PCDHGB2: variants seen among roughly 807,000 people sequenced by gnomAD.
PCDHGB2 encodes the protein protocadherin gamma-B2.
A neutral mutation model predicts 59.3 loss-of-function variants in PCDHGB2; 55 were observed. That is an observed-to-expected ratio of 0.93 (90% CI 0.75 to 1.16). PCDHGB2 has a LOEUF of 1.16. Among genes scored for constraint, PCDHGB2 ranks in the 50% most tolerant of loss-of-function variants. PCDHGB2 has a pLI of 0.00. For missense variants in PCDHGB2, 1,228 were observed against 1,198.5 expected (o/e 1.02, Z -0.36); for synonymous variants, 516 against 512.0 (o/e 1.01, Z -0.11).
chr5:141,372,541 G>T, intron 1 of PCDHGB2: 16 of 1,613,980 alleles, frequency 9.9e-6, no homozygotes, highest in Non-Finnish European at 1.3e-5. Flanking sequence ...CTGCGCCTGC[G>T]ATGCTCCTCC....
rs772841329 is a variant in PCDHGB2 at position 141,360,603 on chromosome 5, A to C, written c.468A>C (p.Pro156=). ...TKPGTTFPLD[P]ALDSDVGPNS... ...CAGGTACAACATTTCCACTTGACCC[A>C]GCCCTGGATTCAGATGTTGGTCCTA... Residue 156 remains proline (P), a synonymous_variant, in exon 1 of 4, where the codon CCA becomes CCC. Coordinates refer to ENST00000522605, the MANE Select transcript of PCDHGB2 (RefSeq NM_018923.3). The C allele has an allele frequency of 5.6e-6, 9 of 1,614,056 alleles. No homozygotes were observed. The East Asian group carries it at 2.0e-4, about 36-fold the overall frequency.
At chr5:141,428,606 A>G (rs1270096118) in intron 1 of PCDHGB2, 4 of 216,044 alleles carry the variant, frequency 1.9e-5, no homozygotes, top group Admixed American at 1.6e-4. Context: ...TTCACTGAAG[A>G]GAATAACAAG....
At position 141,511,238 on chromosome 5, in the gene PCDHGB2, G is replaced by A; in HGVS notation, c.*65G>A. ...CAACCAGCCCAGCTTCTCCTTACCT[G>A]CACCCAGGCCTCAGAGTTTCAGGGC... On this transcript the variant is annotated 3_prime_UTR_variant, in exon 4 of 4. Coordinates refer to ENST00000522605, the MANE Select transcript of PCDHGB2 (RefSeq NM_018923.3). 6.3e-7 allele frequency: 1 copy of A among 1,589,142 alleles called. No homozygotes were observed. The highest frequency in any genetic ancestry group is 2.3e-5 in the East Asian group (1 of 43,302).
chr5:141,399,620 CCTCTT>C (rs1251716471), intron 1 of PCDHGB2: 1 of 1,613,940 alleles, frequency 6.2e-7, no homozygotes, highest in Non-Finnish European at 8.5e-7. Context: ...CTGGCACTGG[CCTCTT>C]ACGTGTCCAT....
Position 141,489,465 on chromosome 5 carries a change from T to C in PCDHGB2, c.2422-5342T>C. On this transcript the variant is annotated intron_variant, in intron 1 of 3. Transcript: ENST00000522605. The surrounding 1 kb of genome is among the most constrained non-coding windows in gnomAD (Gnocchi z 4.5). The stretch of plus-strand genomic sequence containing the variant: ...GCTCTGAGGAGAATGGGCGCTATTT[T>C]TCCCTGAGCTTGATGAGTGGTGCCC... The C allele has an allele frequency of 1.2e-6, 2 of 1,614,082 alleles. No homozygotes were observed. The highest frequency in any genetic ancestry group is 1.3e-5 in the African/African-American group (1 of 75,042).
At chr5:141,400,551 T>G in intron 1 of PCDHGB2, 1 of 1,613,726 alleles carries the variant, frequency 6.2e-7, no homozygotes, top group Non-Finnish European at 8.5e-7. Context: ...TCTATTCTTT[T>G]TCATTACCCA....
chr5:141,415,434 C>T, intron 1 of PCDHGB2: 2 of 1,614,192 alleles, frequency 1.2e-6, no homozygotes, highest in Non-Finnish European at 1.7e-6. Context: ...TTCGGGCTTT[C>T]CTGCAGACCT....
At chr5:141,409,840 G>A (rs1361942011) in intron 1 of PCDHGB2, 3 of 1,611,558 alleles carry the variant, frequency 1.9e-6, no homozygotes, top group African/African-American at 1.3e-5. Flanking sequence ...GCGCCAACGT[G>A]AGCCTGCGCG....
At chr5:141,457,175 A>C (rs1447297536) in intron 1 of PCDHGB2, among the ~76,000 whole-genome samples, 2 of 152,192 alleles carry the variant, frequency 1.3e-5, no homozygotes, top group Non-Finnish European at 2.9e-5. Flanking sequence ...ACCCTATTGC[A>C]AATAGTAGAG....
At chr5:141,427,492 T>C (rs894605769) in intron 1 of PCDHGB2, 1 of 555,624 alleles carries the variant, frequency 1.8e-6, no homozygotes, top group Non-Finnish European at 3.4e-6. Context: ...TATAAGCTTG[T>C]AACAGATGGG....
intron 1 of PCDHGB2, chr5:141,383,465 C>T: frequency 6.2e-7 from 1 of 1,613,792 alleles, no homozygotes; most frequent in Non-Finnish European, 8.5e-7. Flanking sequence ...GACGATGAAA[C>T]TAAGTACCCG....
At chr5:141,441,742 T>C in intron 1 of PCDHGB2, 1 of 367,312 alleles carries the variant, frequency 2.7e-6, no homozygotes, top group Non-Finnish European at 5.4e-6. Context: ...TAGCTCGCGC[T>C]CGGCGTCAAC....
chr5:141,427,628 G>A (rs1308356581), intron 1 of PCDHGB2: 2 of 700,966 alleles, frequency 2.9e-6, no homozygotes, highest in Admixed American at 2.0e-5. Flanking sequence ...ACAATGCTCC[G>A]GTTTTCCACC....
intron 1 of PCDHGB2, chr5:141,478,024 C>T: frequency 2.5e-6 from 4 of 1,614,188 alleles, no homozygotes; most frequent in Non-Finnish European, 3.4e-6. Context: ...CAGTCCAAGA[C>T]ACAGATTCAC....
Position 141,431,344 on chromosome 5 carries a change from G to T in PCDHGB2, c.2422-63463G>T. On this transcript the variant is annotated intron_variant, in intron 1 of 3. Coordinates refer to ENST00000522605, the MANE Select transcript of PCDHGB2 (RefSeq NM_018923.3). This position sits in a 1 kb window ranked among gnomAD's most constrained non-coding sequence, Gnocchi z 4.8. ...ACGGTAGTAAGTACCCCGAATTGGT[G>T]CTGAAACGCGCCCTGGACCGCGAAG... 1 of 1,614,078 alleles carries T rather than the reference G, an allele frequency of 6.2e-7. No individual in the cohort carries two copies. The highest frequency in any genetic ancestry group is 1.3e-5 in the African/African-American group (1 of 75,068).
intron 1 of PCDHGB2, chr5:141,396,121 G>T: frequency 6.6e-6 from 1 of 152,188 alleles, no homozygotes. Context: ...AATGTTTCAG[G>T]TACACAAGTT....
At chr5:141,385,000 T>C (rs1271412814) in intron 1 of PCDHGB2, 1 of 1,614,138 alleles carries the variant, frequency 6.2e-7, no homozygotes, top group South Asian at 1.1e-5. Flanking sequence ...GGCCACAGTC[T>C]CCTGCGTCTT....
chr5:141,375,069 A>G (rs746129890), intron 1 of PCDHGB2: 4 of 1,614,040 alleles, frequency 2.5e-6, no homozygotes, highest in South Asian at 2.2e-5. Context: ...GGTCTTCGAG[A>G]CAGAGCGAAA....
intron 1 of PCDHGB2, among the ~76,000 whole-genome samples, chr5:141,373,691 T>G (rs1588722666): frequency 6.6e-6 from 1 of 152,234 alleles, no homozygotes; most frequent in Admixed American, 6.5e-5. Flanking sequence ...TCAGAGAACA[T>G]TTAAAATTAT....
Sources: gnomAD v4.1 joint callset for allele counts (sites outside exome capture counted in the v4.1 genomes callset) on GRCh38, gnomAD v4.1.1 for gene constraint, Gnocchi (gnomAD v3.1) non-coding constraint, MANE v1.5 for transcripts, NCBI Gene and HGNC (gene_info 2026-07-23, HGNC 2026-07-21) for gene names.